The following CSMD1 variants were observed in gnomAD, a reference collection of about 807,000 sequenced individuals.
CSMD1 encodes the protein CUB and sushi domain-containing protein 1.
In CSMD1, 213 loss-of-function variants were observed where a neutral mutation model predicts 417.5. The observed-to-expected ratio is 0.51, with a 90% CI of 0.46 to 0.57. The LOEUF (loss-of-function observed/expected upper bound fraction) is 0.57. Ranked by LOEUF, CSMD1 falls within the 20% of genes least tolerant of loss-of-function variation. The probability of loss-of-function intolerance (pLI) is 0.00; values close to 1 mark genes in which losing one functional copy is unlikely to be tolerated. For synonymous variants in CSMD1, 2,862 were observed against 1,736.8 expected (o/e 1.65, Z -16.11); for missense variants, 6,923 against 4,529.7 (o/e 1.53, Z -15.17).
At chr8:3,716,932 A>C (rs1369239611) in intron 6 of CSMD1, among the ~76,000 whole-genome samples, 1 of 152,194 alleles carries the variant, frequency 6.6e-6, no homozygotes, top group African/African-American at 2.4e-5. Context: ...ATTTAATTCC[A>C]CCAAAATGTT....
chr8:3,249,258 G>C (rs546980667), intron 26 of CSMD1, among the ~76,000 whole-genome samples: 2 of 152,254 alleles, frequency 1.3e-5, no homozygotes, highest in East Asian at 3.9e-4. Context: ...GACTCACTCT[G>C]TTGCCCAGTC....
chr8:3,163,610 C>T (rs1212051210), intron 37 of CSMD1, among the ~76,000 whole-genome samples: 1 of 148,546 alleles, frequency 6.7e-6, no homozygotes, highest in Non-Finnish European at 1.5e-5. Flanking sequence ...CTTCACTTTC[C>T]GAAAAAGAAA....
intron 2 of CSMD1, among the ~76,000 whole-genome samples, chr8:4,616,113 C>T (rs1260428974): frequency 6.6e-6 from 1 of 152,168 alleles, no homozygotes; most frequent in South Asian, 2.1e-4. Context: ...ATTTAGACAT[C>T]TTCCTATAAC....
intron 36 of CSMD1, among the ~76,000 whole-genome samples, chr8:3,182,387 G>A (rs942033489): frequency 4.6e-5 from 7 of 152,066 alleles, no homozygotes; most frequent in African/African-American, 1.4e-4. Flanking sequence ...GCTAAGTTTT[G>A]TATTTTTAGT....
chr8:4,223,844 A>T (rs867594294), intron 3 of CSMD1, among the ~76,000 whole-genome samples: 1 of 152,202 alleles, frequency 6.6e-6, no homozygotes, highest in Non-Finnish European at 1.5e-5. Flanking sequence ...GTTGAGACTG[A>T]TAATGAACAT....
intron 3 of CSMD1, among the ~76,000 whole-genome samples, chr8:4,079,689 T>C (rs940895088): frequency 6.6e-6 from 1 of 152,250 alleles, no homozygotes; most frequent in African/African-American, 2.4e-5. Flanking sequence ...TTTATTCCTG[T>C]AGTAAACTTG....
intron 1 of CSMD1, among the ~76,000 whole-genome samples, chr8:4,819,496 T>C (rs910073518): frequency 2.0e-5 from 3 of 152,188 alleles, no homozygotes; most frequent in African/African-American, 2.4e-5. Flanking sequence ...ATATGCTATA[T>C]AGGACCCTAT....
intron 3 of CSMD1, among the ~76,000 whole-genome samples, chr8:4,342,841 G>T (rs1800558204): frequency 6.6e-6 from 1 of 152,006 alleles, no homozygotes; most frequent in South Asian, 2.1e-4. Flanking sequence ...AGCAGGAAGT[G>T]AGTCACCCTA....
At chr8:4,163,792 T>G (rs368386685) in intron 3 of CSMD1, among the ~76,000 whole-genome samples, 2 of 152,284 alleles carry the variant, frequency 1.3e-5, no homozygotes, top group African/African-American at 4.8e-5. Context: ...TATTCAACAG[T>G]GTCATTACAT....
intron 1 of CSMD1, among the ~76,000 whole-genome samples, chr8:4,677,792 G>A (rs1355046746): frequency 1.3e-5 from 2 of 152,136 alleles, no homozygotes; most frequent in Non-Finnish European, 2.9e-5. Flanking sequence ...AGAAGGTAAT[G>A]TAAAAATGAC....
At chr8:3,509,747 T>G (rs1214218133) in intron 10 of CSMD1, among the ~76,000 whole-genome samples, 2 of 152,190 alleles carry the variant, frequency 1.3e-5, no homozygotes. Flanking sequence ...GAGTGATATT[T>G]TGTTCTAGAA....
intron 1 of CSMD1, among the ~76,000 whole-genome samples, chr8:4,992,678 G>A (rs79112976): frequency 1.3e-5 from 2 of 152,132 alleles, no homozygotes. Flanking sequence ...TTCCCAGCCA[G>A]TCCAGTGCTG....
At chr8:4,120,665 G>A (rs369570651) in intron 3 of CSMD1, among the ~76,000 whole-genome samples, 22 of 152,302 alleles carry the variant, frequency 1.4e-4, no homozygotes, top group African/African-American at 5.3e-4. Context: ...TTCATCACGT[G>A]ACTTTTAAAG....
intron 1 of CSMD1, among the ~76,000 whole-genome samples, chr8:4,975,952 A>G (rs1047072916): frequency 1.3e-5 from 2 of 152,232 alleles, no homozygotes; most frequent in African/African-American, 2.4e-5. Context: ...TTTATTTACT[A>G]TGAGAAAATC....
chr8:3,607,251 T>G (rs935160360), intron 8 of CSMD1, among the ~76,000 whole-genome samples: 1 of 152,148 alleles, frequency 6.6e-6, no homozygotes, highest in South Asian at 2.1e-4. Flanking sequence ...CCACAGCTTG[T>G]CCCACTGGGA....
At chr8:3,131,055 T>C (rs946927573) in intron 41 of CSMD1, among the ~76,000 whole-genome samples, 3 of 152,238 alleles carry the variant, frequency 2.0e-5, no homozygotes, top group African/African-American at 7.2e-5. Context: ...TACTTTGGCA[T>C]TCTGGGAAGT....
intron 1 of CSMD1, among the ~76,000 whole-genome samples, chr8:4,770,737 G>A (rs1172877061): frequency 6.6e-6 from 1 of 152,020 alleles, no homozygotes; most frequent in Non-Finnish European, 1.5e-5. Context: ...AAAAAATGGT[G>A]TTAGGAAAAC....
At chr8:4,526,391 T>A (rs75389933) in intron 2 of CSMD1, among the ~76,000 whole-genome samples, 1,693 of 152,344 alleles carry the variant, frequency 0.011, 23 homozygotes, top group South Asian at 0.023. Flanking sequence ...TCAACAAGAA[T>A]TGCATCTTAC....
intron 3 of CSMD1, among the ~76,000 whole-genome samples, chr8:4,190,167 G>A (rs1006213410): frequency 6.7e-6 from 1 of 148,494 alleles, no homozygotes; most frequent in Non-Finnish European, 1.5e-5. Context: ...GCTGAGGCAA[G>A]AGAATGGCGT....
Sources: gnomAD v4.1 joint callset for allele counts (sites outside exome capture counted in the v4.1 genomes callset) on GRCh38, gnomAD v4.1.1 for gene constraint, MANE v1.5 for transcripts, NCBI Gene and HGNC (gene_info 2026-07-23, HGNC 2026-07-21) for gene names.